Variants in RSPH6A observed in about 807,000 individuals in gnomAD.
RSPH6A encodes the protein radial spoke head 6 homolog A.
Under a neutral mutation model 66.1 loss-of-function variants are expected in RSPH6A, and 49 were observed. The observed-to-expected ratio is 0.74, with a 90% confidence interval of 0.59 to 0.94. The LOEUF (loss-of-function observed/expected upper bound fraction) is 0.94. Ranked by LOEUF, RSPH6A falls within the 40% of genes least tolerant of loss-of-function variation. The probability of loss-of-function intolerance (pLI) is 0.00; values close to 1 mark genes in which losing one functional copy is unlikely to be tolerated. For missense variants in RSPH6A, 977 were observed against 948.3 expected, an observed-to-expected ratio of 1.03 and a Z score of -0.40; for synonymous variants, 419 against 402.4, an observed-to-expected ratio of 1.04 and a Z score of -0.49.
intron 1 of RSPH6A, 38 bp downstream of exon 1, chr19:45,814,489 T>G: frequency 6.9e-7 from 1 of 1,442,016 alleles, no homozygotes; most frequent in African/African-American, 1.4e-5. Context: ...CCTCCCTGCC[T>G]GGGTCCCCCA....
At chr19:45,801,907 T>C (rs896282074) in intron 4 of RSPH6A, among the ~76,000 whole-genome samples, 1 of 152,146 alleles carries the variant, frequency 6.6e-6, no homozygotes, top group Non-Finnish European at 1.5e-5. Context: ...CAAAAGGCCA[T>C]ATCCTAAGGT....
intron 2 of RSPH6A, among the ~76,000 whole-genome samples, 168 bp downstream of exon 2, chr19:45,810,435 G>T (rs1479268734): frequency 1.3e-5 from 2 of 152,154 alleles, no homozygotes; most frequent in Non-Finnish European, 2.9e-5. Context: ...CTCCCAAAGT[G>T]CTGAGGTTAC....
Position 45,815,042 on chromosome 19 carries a change from C to T in RSPH6A, c.135G>A (p.Gln45=), listed in dbSNP as rs1171723209. Residue 45 remains glutamine (Q), a synonymous_variant, in exon 1 of 6, where the codon CAG becomes CAA. Transcript: ENST00000221538. ...CGTTTCGCTGGGCGTCTGGAGGTAT[C>T]TGCTGCCTCTCCTCGGGGTCCGCTG... The part of the protein sequence containing the change: ...ALAADPEERQ[Q]IPPDAQRNAP... The T allele has an allele frequency of 3.1e-6, 5 of 1,613,650 alleles. No individual in the cohort carries two copies. The East Asian group carries it at 6.7e-5, about 22-fold the overall frequency.
At chr19:45,814,390 A>G in intron 1 of RSPH6A, 137 bp downstream of exon 1, 1 of 714,180 alleles carries the variant, frequency 1.4e-6, no homozygotes, top group South Asian at 3.2e-5. Flanking sequence ...GTTGGCATTG[A>G]TTCCGACTCA....
rs369674188 is a variant in RSPH6A, at chr19:45,800,511, C to T, written c.1851G>A (p.Pro617=). 6.9e-5 allele frequency: 111 copies of T among 1,613,326 alleles called. No homozygotes were observed. The highest frequency in any genetic ancestry group is 8.2e-5 in the Non-Finnish European group (97 of 1,179,882). The change falls in exon 5 of 6, where the codon CCG becomes CCA. Residue 617 remains proline, a synonymous_variant. Coordinates refer to ENST00000221538, the MANE Select transcript of RSPH6A (RefSeq NM_030785.4). ...WTTRLSCSLC[P]QYSVAVVRSN... Reference sequence around the variant, plus strand: ...AGCGCACAACGGCCACTGAGTACTGCGGGCAGAGGCTGCAGGACAGGCGGG... The same window carrying T: ...AGCGCACAACGGCCACTGAGTACTGTGGGCAGAGGCTGCAGGACAGGCGGG...
At chr19:45,797,966 T>G (rs118014866) in intron 5 of RSPH6A, among the ~76,000 whole-genome samples, 7 of 152,212 alleles carry the variant, frequency 4.6e-5, no homozygotes, top group Non-Finnish European at 8.8e-5. Context: ...CCCAGCGAAT[T>G]CAGCCTTTCT....
intron 2 of RSPH6A, among the ~76,000 whole-genome samples, chr19:45,809,502 C>T (rs1165549678): frequency 7.0e-6 from 1 of 142,912 alleles, no homozygotes; most frequent in Non-Finnish European, 1.5e-5. Flanking sequence ...GACAGGGTTT[C>T]ACTTAGCCAG....
At chr19:45,814,058 C>T (rs1430503321) in intron 1 of RSPH6A, among the ~76,000 whole-genome samples, 1 of 152,110 alleles carries the variant, frequency 6.6e-6, no homozygotes, top group East Asian at 1.9e-4. Context: ...ACTCGGGAGG[C>T]TGAAGCAGAA....
chr19:45,813,537 G>C (rs1423053256), intron 1 of RSPH6A, among the ~76,000 whole-genome samples: 2 of 152,156 alleles, frequency 1.3e-5, no homozygotes, highest in East Asian at 3.9e-4. Context: ...TAGAGACAGG[G>C]TTTCGCCATG....
rs558441098 is a variant in RSPH6A, at chr19:45,810,727, T to C, written c.764A>G (p.Lys255Arg). 3 of 1,614,122 alleles carry C rather than the reference T, an allele frequency of 1.9e-6. No homozygotes were observed. In the South Asian group the frequency reaches 3.3e-5, roughly 18 times the overall value. Residue 255 changes from lysine (K) to arginine (R), a missense_variant, in exon 2 of 6, where the codon AAG (lysine) becomes AGG (arginine). Transcript: ENST00000221538. Reference protein sequence around the residue: ...RTTQWEWFHPKLDTLRDDPEM... With the variant: ...RTTQWEWFHPRLDTLRDDPEM... ...GGGGTCGTCCCGCAGCGTGTCCAGC[T>C]TGGGGTGGAACCACTCCCACTGCGT...
At chr19:45,809,825 T>C (rs1970598734) in intron 2 of RSPH6A, among the ~76,000 whole-genome samples, 2 of 152,216 alleles carry the variant, frequency 1.3e-5, no homozygotes, top group Admixed American at 6.5e-5. Context: ...GAATGGTTTA[T>C]TGCATAAATG....
chr19:45,796,040 C>T lies in RSPH6A; in HGVS notation c.1983G>A (p.Leu661=). ...GGTACTCTTGTTGAATGGGGGCTGG[C>T]AGGGCCGGGTTGAAGCTCTCGGGGC... is the stretch of plus-strand genomic sequence containing the variant. ...KYSPESFNPA[L]PAPIQQEYPS... is the part of the protein sequence containing the mutation. Residue 661 remains leucine, a synonymous_variant, in exon 6 of 6, where the codon CTG becomes CTA. Transcript: ENST00000221538. 6.2e-7 allele frequency: 1 copy of T among 1,613,402 alleles called. No individual in the cohort carries two copies. The highest frequency in any genetic ancestry group is 1.7e-4 in the Middle Eastern group (1 of 6,054).
At chr19:45,807,027 G>A (rs1468121404) in intron 2 of RSPH6A, among the ~76,000 whole-genome samples, 3 of 151,108 alleles carry the variant, frequency 2.0e-5, no homozygotes, top group Non-Finnish European at 2.9e-5. Context: ...CCCAGTAGCT[G>A]GGATTATAGG....
At chr19:45,803,043 C>T (rs1970493168) in intron 3 of RSPH6A, among the ~76,000 whole-genome samples, 1 of 150,754 alleles carries the variant, frequency 6.6e-6, no homozygotes, top group Non-Finnish European at 1.5e-5. Flanking sequence ...CCCATCTCTA[C>T]TAAAACTACA....
At chr19:45,798,947 T>C (rs1416571326) in intron 5 of RSPH6A, among the ~76,000 whole-genome samples, 3 of 151,690 alleles carry the variant, frequency 2.0e-5, no homozygotes, top group Non-Finnish European at 4.4e-5. Context: ...AGAGGATGGA[T>C]GGACAAGTGG....
chr19:45,810,896 G>T, intron 1 of RSPH6A, 56 bp from the exon 2 acceptor site: 1 of 1,482,682 alleles, frequency 6.7e-7, no homozygotes, highest in Non-Finnish European at 9.2e-7. Context: ...AGCTCACTGA[G>T]CTGGCTCCCA....
intron 3 of RSPH6A, among the ~76,000 whole-genome samples, chr19:45,803,888 G>C (rs1257618929): frequency 6.6e-6 from 1 of 151,340 alleles, no homozygotes; most frequent in Non-Finnish European, 1.5e-5. Flanking sequence ...AGCTACTCAG[G>C]AGGCTGAGGC....
chr19:45,804,981 G>A lies in RSPH6A; in HGVS notation c.924C>T (p.Ala308=). Reference sequence around the variant, plus strand: ...CGACGCCGGCCTGCTCGAAGTAGAAGGCAGTCTCCATGATGTTGGGCACTG... The same window carrying A: ...CGACGCCGGCCTGCTCGAAGTAGAAAGCAGTCTCCATGATGTTGGGCACTG... ...ETPVPNIMET[A]FYFEQAGVGL... Residue 308 remains alanine (A), a synonymous_variant, in exon 3 of 6, where the codon GCC becomes GCT. Transcript: ENST00000221538. This position sits in a 1 kb window ranked among gnomAD's most constrained non-coding sequence, Gnocchi z 5.8. The A allele has an allele frequency of 1.2e-6, 2 of 1,613,180 alleles. No individual in the cohort carries two copies. The highest frequency in any genetic ancestry group is 8.5e-7 in the Non-Finnish European group (1 of 1,180,016).
In RSPH6A at chr19:45,804,053, G is replaced by GA. The variant is rs943680589; in HGVS notation, c.1653+198dup. Among the ~76,000 whole-genome samples, 214 of 149,464 alleles carry GA rather than the reference G, an allele frequency of 1.4e-3. 1 individual carries two copies. The highest frequency in any genetic ancestry group is 2.5e-3 in the Non-Finnish European group (171 of 67,068). ...GAAAAAAAAGAAGAAAGAAAGAAAA[G>GA]AAAAAAAAATGCCTCTGTCCCCAAA... is the stretch of plus-strand genomic sequence containing the variant. On this transcript the variant is annotated intron_variant, in intron 3 of 5. Transcript: ENST00000221538. The surrounding 1 kb of genome is among the most constrained non-coding windows in gnomAD (Gnocchi z 5.8).
Sources: allele counts gnomAD v4.1 joint callset (sites outside exome capture counted in the v4.1 genomes callset), GRCh38; gene constraint gnomAD v4.1.1; non-coding constraint Gnocchi (gnomAD v3.1); transcripts MANE v1.5; gene names NCBI Gene and HGNC (gene_info 2026-07-23, HGNC 2026-07-21).